RELL1: variants seen among roughly 807,000 people sequenced by gnomAD.
The protein encoded by RELL1 is RELT like 1.
RELL1 carries 10 observed loss-of-function variants against 23.0 expected under a neutral mutation model. That is an observed-to-expected ratio of 0.43 (90% CI 0.27 to 0.74). RELL1 has a LOEUF of 0.74. RELL1 is among the 30% of genes least tolerant of loss of function. The probability of loss-of-function intolerance (pLI) is 0.19; values close to 1 mark genes in which losing one functional copy is unlikely to be tolerated. For synonymous variants in RELL1, 146 were observed against 146.8 expected, an observed-to-expected ratio of 0.99 and a Z score of 0.04; for missense variants, 315 against 364.4, an observed-to-expected ratio of 0.86 and a Z score of 1.10.
chr4:37,677,971 TC>T (rs994758916), intron 1 of RELL1, among the ~76,000 whole-genome samples: 1 of 151,572 alleles, frequency 6.6e-6, no homozygotes, highest in African/African-American at 2.4e-5. Flanking sequence ...CAAGACCTTG[TC>T]CCCCCAAAAA....
At chr4:37,664,027 T>C (rs941604694) in intron 1 of RELL1, among the ~76,000 whole-genome samples, 5 of 152,202 alleles carry the variant, frequency 3.3e-5, no homozygotes, top group Admixed American at 6.5e-5. Context: ...TGTAGTGGCT[T>C]CATTTTTTAA....
chr4:37,637,563 A>G (rs1274858016), intron 4 of RELL1, among the ~76,000 whole-genome samples: 1 of 152,094 alleles, frequency 6.6e-6, no homozygotes, highest in East Asian at 1.9e-4. Context: ...CTGAATGCCC[A>G]TTGGCCCCCC....
At chr4:37,630,935 G>A (rs939717108) in intron 6 of RELL1, among the ~76,000 whole-genome samples, 7 of 150,998 alleles carry the variant, frequency 4.6e-5, no homozygotes, top group African/African-American at 1.7e-4. Flanking sequence ...GGCCTGCATG[G>A]TTGTTTAAAA....
chr4:37,590,487 A>G (rs938766619), downstream of RELL1: 23 of 1,613,024 alleles, frequency 1.4e-5, no homozygotes, highest in Non-Finnish European at 2.0e-5. Flanking sequence ...GCACCAGGAA[A>G]CAGGACTGTG....
intron 1 of RELL1, among the ~76,000 whole-genome samples, chr4:37,676,002 C>T (rs1372210789): frequency 6.6e-6 from 1 of 152,220 alleles, no homozygotes; most frequent in Non-Finnish European, 1.5e-5. Context: ...CTTACCTCCT[C>T]TCTTCGGTGA....
chr4:37,669,819 T>A (rs1721760100), intron 1 of RELL1, among the ~76,000 whole-genome samples: 1 of 151,882 alleles, frequency 6.6e-6, no homozygotes, highest in South Asian at 2.1e-4. Context: ...TGTGCTTTGT[T>A]AAACAGACGC....
chr4:37,587,784 C>T (rs370949489), downstream of RELL1, among the ~76,000 whole-genome samples: 236 of 152,146 alleles, frequency 1.6e-3, 1 homozygote, highest in African/African-American at 5.4e-3. Flanking sequence ...GCATGGCCAA[C>T]GTGGCAAAAC....
chr4:37,674,815 G>A (rs781517596), intron 1 of RELL1, among the ~76,000 whole-genome samples: 9 of 152,282 alleles, frequency 5.9e-5, no homozygotes, highest in African/African-American at 1.2e-4. Flanking sequence ...TTACATCTAC[G>A]CATGGGGAAG....
Position 37,657,730 on chromosome 4 carries a change from C to T in RELL1, c.89-8230G>A, listed in dbSNP as rs188812349. On this transcript the variant is annotated intron_variant, in intron 1 of 6. Transcript: ENST00000454158. ...GGTGAGATTACACATTTTGTGAAAC[C>T]TCATCTCTACAAAAAAATCCCCAAA... 7.2e-5 allele frequency among the ~76,000 whole-genome samples: 11 copies of T among 152,112 alleles called. No homozygotes were observed. In the East Asian group the frequency reaches 9.7e-4, roughly 13 times the overall value.
intron 6 of RELL1, among the ~76,000 whole-genome samples, chr4:37,596,734 A>AT (rs1718867943): frequency 6.5e-5 from 1 of 15,294 alleles, no homozygotes; most frequent in East Asian, 2.4e-3. Context: ...ATATATATAT[A>AT]TATTTTTTTT....
At chr4:37,619,003 C>A (rs1719675455) in intron 6 of RELL1, among the ~76,000 whole-genome samples, 1 of 152,036 alleles carries the variant, frequency 6.6e-6, no homozygotes. Context: ...CCTCAGCATC[C>A]CGAGTAGGTG....
chr4:37,676,744 G>A (rs1368069065), intron 1 of RELL1, among the ~76,000 whole-genome samples: 1 of 152,146 alleles, frequency 6.6e-6, no homozygotes, highest in African/African-American at 2.4e-5. Context: ...TCTAAGATTT[G>A]TGGGTGAATA....
chr4:37,673,048 A>C lies in RELL1; in HGVS notation c.88+13152T>G, dbSNP rs74417215. On this transcript the variant is annotated intron_variant, in intron 1 of 6. Coordinates refer to ENST00000454158, the MANE Select transcript of RELL1 (RefSeq NM_001085400.2). Reference sequence around the variant, plus strand: ...GGCTCATGCCTGTAATCAAGAATTCAATAGACAAGCTGATTTGTATAATTT... The same window carrying C: ...GGCTCATGCCTGTAATCAAGAATTCCATAGACAAGCTGATTTGTATAATTT... Among the ~76,000 whole-genome samples, 694 of 152,284 alleles carry C rather than the reference A, an allele frequency of 4.6e-3. 6 individuals are homozygous for C. Among genetic ancestry groups the C allele is most frequent in the African/African-American group, 0.016 (669 of 41,554 alleles).
At chr4:37,632,953 T>C (rs893562842) in intron 5 of RELL1, among the ~76,000 whole-genome samples, 1 of 152,196 alleles carries the variant, frequency 6.6e-6, no homozygotes, top group Non-Finnish European at 1.5e-5. Flanking sequence ...AAGAGAAGGC[T>C]CTGAAGAAGT....
Position 37,631,438 on chromosome 4 carries a change from C to T in RELL1, c.766G>A (p.Gly256Arg). 1.2e-6 allele frequency: 2 copies of T among 1,614,158 alleles called. No individual in the cohort carries two copies. The highest frequency in any genetic ancestry group is 8.5e-7 in the Non-Finnish European group (1 of 1,180,026). Residue 256 changes from glycine to arginine, a missense_variant, in exon 6 of 7, where the codon GGG (glycine) becomes AGG (arginine). Transcript: ENST00000454158. ...TTCACAGGTGTTGCCGGCACCTCCCCATTGACGGTTTCAGCCCCACTAACA... is the reference window on the plus strand; with the variant it reads ...TTCACAGGTGTTGCCGGCACCTCCCTATTGACGGTTTCAGCCCCACTAACA... ...MSVSGAETVN[G>R]EVPATPVKRE...
At position 37,651,266 on chromosome 4, in the gene RELL1, C is replaced by A. The variant is rs542344491; in HGVS notation, c.89-1766G>T. On this transcript the variant is annotated intron_variant, in intron 1 of 6. Transcript: ENST00000454158. ...AGGCCAGGAGTTCAGGAAGAACATA[C>A]CGTGTAGCAAAAGAATCAGCAGAGC... Among the ~76,000 whole-genome samples the A allele has an allele frequency of 3.4e-3, 516 of 151,966 alleles. 4 individuals are homozygous for A. The highest frequency in any genetic ancestry group is 4.7e-3 in the Non-Finnish European group (321 of 67,962).
chr4:37,665,451 G>T, intron 1 of RELL1: 1 of 367,332 alleles, frequency 2.7e-6, no homozygotes, highest in South Asian at 2.1e-5. Context: ...GCTCTCAACT[G>T]GATTTTCACA....
chr4:37,631,747 C>T (rs548106068), intron 5 of RELL1, among the ~76,000 whole-genome samples: 2 of 152,186 alleles, frequency 1.3e-5, no homozygotes, highest in Middle Eastern at 3.4e-3. Flanking sequence ...ACAGACTAAG[C>T]CGGATATTTT....
chr4:37,671,676 C>T (rs770647236), intron 1 of RELL1, among the ~76,000 whole-genome samples: 8 of 152,154 alleles, frequency 5.3e-5, no homozygotes, highest in African/African-American at 7.2e-5. Flanking sequence ...CCTTGTTCGG[C>T]GTATAATCAA....
Sources: gnomAD v4.1 joint callset for allele counts (sites outside exome capture counted in the v4.1 genomes callset) on GRCh38, gnomAD v4.1.1 for gene constraint, MANE v1.5 for transcripts, NCBI Gene and HGNC (gene_info 2026-07-23, HGNC 2026-07-21) for gene names.